The following SRPK1 variants were observed in gnomAD, a reference collection of about 807,000 sequenced individuals.
SRPK1 encodes the protein SRSF protein kinase 1.
A neutral mutation model predicts 89.5 loss-of-function variants in SRPK1; 52 were observed. That is an observed-to-expected ratio of 0.58 (90% CI 0.46 to 0.73). The LOEUF (loss-of-function observed/expected upper bound fraction) is 0.73, where lower values mean the gene tolerates loss of function less well. Ranked by LOEUF, SRPK1 falls within the 30% of genes least tolerant of loss-of-function variation. The pLI, the probability that SRPK1 is intolerant of heterozygous loss-of-function variation, is 0.00. For missense variants in SRPK1, 603 were observed against 780.6 expected, an observed-to-expected ratio of 0.77 and a Z score of 2.71; for synonymous variants, 255 against 270.2, an observed-to-expected ratio of 0.94 and a Z score of 0.55.
At chr6:35,864,242 AAAGTG>A (rs1769846857) in intron 12 of SRPK1, among the ~76,000 whole-genome samples, 1 of 152,198 alleles carries the variant, frequency 6.6e-6, no homozygotes, top group Non-Finnish European at 1.5e-5. Context: ...AACAATCAAC[AAAGTG>A]AAGAGACAAC....
chr6:35,882,103 A>ATAG (rs1229277608), intron 6 of SRPK1, among the ~76,000 whole-genome samples: 1 of 132,790 alleles, frequency 7.5e-6, no homozygotes, highest in East Asian at 2.1e-4. Context: ...AGTAGTAGCA[A>ATAG]TAGTAGTAGT....
chr6:35,875,214 A>G (rs1018675741), intron 6 of SRPK1, among the ~76,000 whole-genome samples: 22 of 152,054 alleles, frequency 1.4e-4, no homozygotes, highest in African/African-American at 5.1e-4. Context: ...AGAAACAGGA[A>G]CCATCTTGAA....
At chr6:35,854,833 T>C (rs1401026175) in intron 13 of SRPK1, among the ~76,000 whole-genome samples, 1 of 152,232 alleles carries the variant, frequency 6.6e-6, no homozygotes, top group Non-Finnish European at 1.5e-5. Context: ...CACTTTATAG[T>C]TGGTGGCATC....
intron 1 of SRPK1, 61 bp from the exon 2 acceptor site, chr6:35,920,589 G>A (rs1771213416): frequency 1.3e-6 from 2 of 1,535,126 alleles, no homozygotes; most frequent in African/African-American, 1.4e-5. Flanking sequence ...CCAAGGTGAG[G>A]GTGGAGACCC....
chr6:35,839,786 T>C (rs1048642695), intron 14 of SRPK1, among the ~76,000 whole-genome samples: 1 of 152,000 alleles, frequency 6.6e-6, no homozygotes, highest in Non-Finnish European at 1.5e-5. Flanking sequence ...TTCCAGTGAT[T>C]CTTGTGTCTC....
chr6:35,851,437 G>C (rs1269478513), intron 13 of SRPK1, among the ~76,000 whole-genome samples: 5 of 152,080 alleles, frequency 3.3e-5, no homozygotes, highest in Non-Finnish European at 5.9e-5. Context: ...GCCTCCCAAA[G>C]TGCTGAGATT....
chr6:35,841,932 C>G lies in SRPK1; in HGVS notation c.1690+603G>C, dbSNP rs1363250187. On this transcript the variant is annotated intron_variant, in intron 14 of 15. Transcript: ENST00000373825. ...CTGGATGCCATCATAATAGAAAAAT[C>G]AGACACACACAGTTGCTGCTTCCAC... Among the ~76,000 whole-genome samples the G allele has an allele frequency of 2.0e-5, 3 of 150,564 alleles. No homozygotes were observed. The East Asian group carries it at 5.9e-4, about 30-fold the overall frequency.
intron 13 of SRPK1, among the ~76,000 whole-genome samples, chr6:35,853,570 A>G (rs1330688442): frequency 2.0e-5 from 3 of 152,112 alleles, no homozygotes; most frequent in Non-Finnish European, 4.4e-5. Context: ...TAATTGGCCA[A>G]CTTCTGGGGT....
intron 2 of SRPK1, among the ~76,000 whole-genome samples, chr6:35,898,792 T>C (rs1051732818): frequency 2.0e-5 from 3 of 152,038 alleles, no homozygotes; most frequent in African/African-American, 7.2e-5. Context: ...TTCTTCTCTG[T>C]TTTCCCTAAA....
intron 6 of SRPK1, among the ~76,000 whole-genome samples, chr6:35,879,902 T>C (rs1340715770): frequency 6.6e-6 from 1 of 151,686 alleles, no homozygotes; most frequent in Non-Finnish European, 1.5e-5. Context: ...TGAGACTCCA[T>C]CTCTACAAAA....
intron 12 of SRPK1, among the ~76,000 whole-genome samples, chr6:35,868,034 G>A (rs905707268): frequency 2.0e-5 from 3 of 151,872 alleles, no homozygotes; most frequent in Admixed American, 1.3e-4. Flanking sequence ...GTGCAATGGC[G>A]TGATCTTGGC....
chr6:35,920,511 G>A lies in SRPK1; in HGVS notation c.31C>T (p.Arg11Ter). ...TTCTTGGCCTTGGTCCTTTTCTTTCGGGCCTGGAGCGCAAGCACTGCAGGA... is the reference window on the plus strand; with the variant it reads ...TTCTTGGCCTTGGTCCTTTTCTTTCAGGCCTGGAGCGCAAGCACTGCAGGA... MERKVLALQA[R>*]KKRTKAKKDK... The change falls in exon 2 of 16, where the codon CGA becomes TGA. Residue 11 changes from arginine (R) to a stop codon, truncating the protein, a stop_gained. Transcript: ENST00000373825. LOFTEE classifies it high-confidence loss of function. 1.9e-6 allele frequency: 3 copies of A among 1,613,280 alleles called. No homozygotes were observed. Among genetic ancestry groups the A allele is most frequent in the Non-Finnish European group, 2.5e-6 (3 of 1,179,462 alleles).
intron 6 of SRPK1, among the ~76,000 whole-genome samples, chr6:35,885,123 C>CTT (rs1394570808): frequency 1.3e-5 from 2 of 152,042 alleles, no homozygotes; most frequent in African/African-American, 4.8e-5. Flanking sequence ...TTACTTGGAA[C>CTT]TTTTGCAAAT....
intron 13 of SRPK1, 121 bp from the exon 14 acceptor site, chr6:35,842,725 TTAA>T: frequency 4.1e-5 from 17 of 417,696 alleles, no homozygotes; most frequent in Admixed American, 4.7e-5. Flanking sequence ...TATAGATCAT[TTAA>T]AAAAAAAAAA....
intron 15 of SRPK1, among the ~76,000 whole-genome samples, chr6:35,837,719 T>C (rs964563826): frequency 5.3e-5 from 8 of 152,012 alleles, no homozygotes; most frequent in African/African-American, 1.9e-4. Context: ...CCATGCCCAG[T>C]TAATTAAAAA....
rs566260891 is a variant in SRPK1 at position 35,863,035 on chromosome 6, C to G, written c.1513-5667G>C. Among the ~76,000 whole-genome samples the G allele has an allele frequency of 4.6e-5, 7 of 152,102 alleles. 1 individual carries two copies. The highest frequency in any genetic ancestry group is 2.6e-4 in the Admixed American group (4 of 15,276). On this transcript the variant is annotated intron_variant, in intron 12 of 15. Transcript: ENST00000373825. ...GTGTGTTGGCATGCACCTGGGGTCC[C>G]AGCTACTCAGGAGGCTGAGCCAGGA...
At chr6:35,866,112 T>C (rs1769897051) in intron 12 of SRPK1, among the ~76,000 whole-genome samples, 1 of 151,010 alleles carries the variant, frequency 6.6e-6, no homozygotes, top group Non-Finnish European at 1.5e-5. Flanking sequence ...AATGAAAAAA[T>C]GTCCACTATC....
chr6:35,893,237 C>T lies in SRPK1; in HGVS notation c.75-2224G>A, dbSNP rs181564129. Among the ~76,000 whole-genome samples the T allele has an allele frequency of 2.4e-3, 366 of 152,312 alleles. 1 individual carries two copies. The highest frequency in any genetic ancestry group is 7.9e-3 in the African/African-American group (328 of 41,554). ...CGGTGGCTCACACCTGTAATCCCAG[C>T]ATTTTGTGAGGCCAAGGCGGGCAGA... On this transcript the variant is annotated intron_variant, in intron 2 of 15. Coordinates refer to ENST00000373825, the MANE Select transcript of SRPK1 (RefSeq NM_003137.5).
At chr6:35,875,249 G>A (rs1276004367) in intron 6 of SRPK1, among the ~76,000 whole-genome samples, 2 of 151,150 alleles carry the variant, frequency 1.3e-5, no homozygotes, top group Non-Finnish European at 2.9e-5. Flanking sequence ...CCAACATGGA[G>A]ACTTCTTTTT....
Sources: gnomAD v4.1 joint callset for allele counts (sites outside exome capture counted in the v4.1 genomes callset) on GRCh38, gnomAD v4.1.1 for gene constraint, MANE v1.5 for transcripts, NCBI Gene and HGNC (gene_info 2026-07-23, HGNC 2026-07-21) for gene names.